FBXO11: variants seen among roughly 807,000 people sequenced by gnomAD.
FBXO11 encodes F-box only protein 11.
A neutral mutation model predicts 117.0 loss-of-function variants in FBXO11; 13 were observed. The observed-to-expected ratio is 0.11, with a 90% CI of 0.07 to 0.18. The LOEUF is 0.18. Among genes scored for constraint, FBXO11 ranks in the 10% least tolerant of loss-of-function variants. FBXO11 has a pLI of 1.00. For synonymous variants in FBXO11, 490 were observed against 380.5 expected (o/e 1.29, Z -3.35); for missense variants, 767 against 1,164.4 (o/e 0.66, Z 4.97).
At position 47,855,199 on chromosome 2, in the gene FBXO11, C is replaced by T. The variant is rs375836615; in HGVS notation, c.233-15430G>A. On this transcript the variant is annotated intron_variant, in intron 1 of 22. Transcript: ENST00000403359. ...GGGAAAATGACAGACTAGGTAGACT[C>T]ATTTTTTTTTTTTGTTTTTGAGACA... 3.1e-3 allele frequency among the ~76,000 whole-genome samples: 463 copies of T among 151,194 alleles called. 4 individuals are homozygous for T. The highest frequency in any genetic ancestry group is 0.011 in the African/African-American group (444 of 41,000).
intron 14 of FBXO11, 42 bp downstream of exon 14, chr2:47,820,320 T>A: frequency 6.6e-7 from 1 of 1,506,270 alleles, no homozygotes. Flanking sequence ...TCCCCCTGGT[T>A]TTGATGCATG....
intron 1 of FBXO11, among the ~76,000 whole-genome samples, chr2:47,858,307 G>A (rs960856294): frequency 6.6e-6 from 1 of 151,758 alleles, no homozygotes. Context: ...ACCGTGCCCA[G>A]CCCACTTATC....
chr2:47,834,914 A>G, intron 5 of FBXO11, 43 bp from the exon 6 acceptor site: 1 of 1,356,674 alleles, frequency 7.4e-7, no homozygotes, highest in African/African-American at 1.5e-5. Context: ...CTACTAACAT[A>G]AACCTTATAT....
chr2:47,855,792 A>G (rs1028595653), intron 1 of FBXO11, among the ~76,000 whole-genome samples: 10 of 151,920 alleles, frequency 6.6e-5, no homozygotes, highest in African/African-American at 2.4e-4. Flanking sequence ...AGATTGTGCC[A>G]TGGCACTCCA....
At chr2:47,825,542 ACATGTCTGGTGGATTT>A (rs745756858) in intron 11 of FBXO11, among the ~76,000 whole-genome samples, 19 of 148,068 alleles carry the variant, frequency 1.3e-4, no homozygotes, top group Non-Finnish European at 2.2e-4. Context: ...GAGTTGAATG[ACATGTCTGGTGGATTT>A]TTTCTTCTTC....
At position 47,820,455 on chromosome 2, in the gene FBXO11, G is replaced by A; in HGVS notation, c.1704C>T (p.Gly568=). 1 of 1,610,536 alleles carries A rather than the reference G, an allele frequency of 6.2e-7. No individual in the cohort carries two copies. Reference sequence around the variant, plus strand: ...TAATTTGAATTCCTGCTAATGCATTGCCTATTTAAAAATAAAAGTTACAAG... The same window carrying A: ...TAATTTGAATTCCTGCTAATGCATTACCTATTTAAAAATAAAAGTTACAAG... ...RGLIEGNDIY[G]NALAGIQIRT... is the part of the protein sequence containing the mutation. The change falls in exon 14 of 23, where the codon GGC becomes GGT. Residue 568 remains glycine (G), a splice_region_variant and synonymous_variant. Transcript: ENST00000403359.
chr2:47,857,231 C>T (rs779603588), intron 1 of FBXO11, among the ~76,000 whole-genome samples: 6 of 152,078 alleles, frequency 3.9e-5, no homozygotes, highest in Non-Finnish European at 8.8e-5. Flanking sequence ...ACAAACAACA[C>T]ACCATTTGTT....
At chr2:47,831,528 C>T (rs1385871299) in intron 11 of FBXO11, among the ~76,000 whole-genome samples, 3 of 146,452 alleles carry the variant, frequency 2.0e-5, no homozygotes, top group Non-Finnish European at 3.0e-5. Context: ...TAATAGGCAA[C>T]AAAACCTCAC....
chr2:47,822,113 G>A, intron 13 of FBXO11, 105 bp downstream of exon 13: 1 of 762,772 alleles, frequency 1.3e-6, no homozygotes. Context: ...TTAAAGAGCT[G>A]GATCAGTGCT....
intron 11 of FBXO11, among the ~76,000 whole-genome samples, chr2:47,828,120 T>C (rs1415267730): frequency 2.0e-5 from 3 of 151,394 alleles, no homozygotes; most frequent in Non-Finnish European, 2.9e-5. Flanking sequence ...GCTAGGATTA[T>C]AGGCGTGTGC....
chr2:47,855,929 A>G (rs948429693), intron 1 of FBXO11, among the ~76,000 whole-genome samples: 5 of 152,080 alleles, frequency 3.3e-5, no homozygotes, highest in African/African-American at 4.8e-5. Context: ...ACAACAGAAG[A>G]CAGAGATATC....
chr2:47,884,718 T>G (rs924941254), intron 1 of FBXO11, among the ~76,000 whole-genome samples: 1 of 152,202 alleles, frequency 6.6e-6, no homozygotes, highest in African/African-American at 2.4e-5. Flanking sequence ...TTGAAGTATT[T>G]TTTAAAAGCT....
chr2:47,836,144 G>A (rs1037109511), intron 4 of FBXO11, 143 bp from the exon 5 acceptor site: 2 of 551,816 alleles, frequency 3.6e-6, no homozygotes, highest in Non-Finnish European at 6.0e-6. Flanking sequence ...TAAATCACAG[G>A]ATTTTTTTTT....
At chr2:47,885,362 G>A (rs918265665) in intron 1 of FBXO11, among the ~76,000 whole-genome samples, 2 of 152,170 alleles carry the variant, frequency 1.3e-5, no homozygotes, top group Non-Finnish European at 2.9e-5. Flanking sequence ...GGGAGGCCGA[G>A]GTGAGTAAAT....
rs927760664 is a variant in FBXO11 at position 47,901,201 on chromosome 2, G to A, written c.232+4288C>T. ...TATATGTGGGTACATATATATGTGT[G>A]TCATAGATAAGATTTTTATCCCACA... On this transcript the variant is annotated intron_variant, in intron 1 of 22. Coordinates refer to ENST00000403359, the MANE Select transcript of FBXO11 (RefSeq NM_001190274.2). Among the ~76,000 whole-genome samples, 17 of 143,316 alleles carry A rather than the reference G, an allele frequency of 1.2e-4. 1 individual carries two copies. The highest frequency in any genetic ancestry group is 4.4e-4 in the African/African-American group (17 of 38,440). 94.0% of individuals were successfully genotyped at this position (143,316 alleles called of 152,430 possible).
chr2:47,820,267 A>T, intron 14 of FBXO11, 95 bp downstream of exon 14: 1 of 789,332 alleles, frequency 1.3e-6, no homozygotes, highest in Non-Finnish European at 2.0e-6. Context: ...ATACCTCAAA[A>T]GTTGAATATG....
At chr2:47,819,546 T>G (rs1202038121) in intron 14 of FBXO11, among the ~76,000 whole-genome samples, 8 of 152,162 alleles carry the variant, frequency 5.3e-5, no homozygotes, top group African/African-American at 1.9e-4. Flanking sequence ...TACCTGAGTT[T>G]TAAGCTTTCA....
chr2:47,903,976 A>C (rs1678529089), intron 1 of FBXO11, among the ~76,000 whole-genome samples: 1 of 152,214 alleles, frequency 6.6e-6, no homozygotes, highest in South Asian at 2.1e-4. Flanking sequence ...AAGATCTCCA[A>C]CTGCCTTGAA....
intron 1 of FBXO11, among the ~76,000 whole-genome samples, chr2:47,840,077 G>A (rs1672898830): frequency 6.6e-6 from 1 of 151,870 alleles, no homozygotes; most frequent in African/African-American, 2.4e-5. Flanking sequence ...CCGAGTAGCT[G>A]GGACTACAGG....
Sources: allele counts gnomAD v4.1 joint callset (sites outside exome capture counted in the v4.1 genomes callset), GRCh38; gene constraint gnomAD v4.1.1; transcripts MANE v1.5; gene names NCBI Gene and HGNC (gene_info 2026-07-23, HGNC 2026-07-21).